Variants in CACNA1D observed in about 807,000 individuals in gnomAD.
The protein encoded by CACNA1D is calcium voltage-gated channel subunit alpha1 D, also known as voltage-dependent L-type calcium channel subunit alpha-1D.
Under a neutral mutation model 257.1 loss-of-function variants are expected in CACNA1D, and 55 were observed. The ratio of observed to expected loss-of-function variants is 0.21; its 90% CI spans 0.17 to 0.27. The LOEUF (loss-of-function observed/expected upper bound fraction) is 0.27. Among genes scored for constraint, CACNA1D ranks in the 10% least tolerant of loss-of-function variants. The pLI is 1.00. For synonymous variants in CACNA1D, 980 were observed against 1,014.9 expected, an observed-to-expected ratio of 0.97 and a Z score of 0.65; for missense variants, 1,876 against 2,784.0, an observed-to-expected ratio of 0.67 and a Z score of 7.34.
chr3:53,562,093 A>G (rs113118137), intron 3 of CACNA1D, among the ~76,000 whole-genome samples: 1 of 152,178 alleles, frequency 6.6e-6, no homozygotes, highest in South Asian at 2.1e-4. Context: ...CCTGGTCTCT[A>G]CCTTTAAGGA....
intron 3 of CACNA1D, among the ~76,000 whole-genome samples, chr3:53,534,060 A>G (rs968244630): frequency 6.6e-6 from 1 of 152,110 alleles, no homozygotes; most frequent in Non-Finnish European, 1.5e-5. Context: ...CAAGATGGGG[A>G]GCAGCATTCC....
At chr3:53,624,599 C>T (rs908210263) in intron 3 of CACNA1D, among the ~76,000 whole-genome samples, 1 of 152,178 alleles carries the variant, frequency 6.6e-6, no homozygotes, top group African/African-American at 2.4e-5. Flanking sequence ...CATTTACCTC[C>T]CATTATATGG....
At chr3:53,518,304 G>A (rs2091422159) in intron 3 of CACNA1D, among the ~76,000 whole-genome samples, 1 of 152,200 alleles carries the variant, frequency 6.6e-6, no homozygotes, top group Non-Finnish European at 1.5e-5. Flanking sequence ...TTGTGAGCAG[G>A]GACCCAGTGT....
chr3:53,796,007 C>T, intron 40 of CACNA1D: 1 of 197,160 alleles, frequency 5.1e-6, no homozygotes. Flanking sequence ...ACAAAGGCTG[C>T]CATCACATTA....
chr3:53,678,873 C>T (rs2108448660), intron 8 of CACNA1D: 1 of 152,210 alleles, frequency 6.6e-6, no homozygotes, highest in Non-Finnish European at 1.5e-5. Flanking sequence ...AGGCAAAACA[C>T]ACCAATAGAT....
In CACNA1D at chr3:53,655,753, C is replaced by A. The variant is rs573729367; in HGVS notation, c.624-4380C>A. ...TGTAGGTTGTCTTTTTACCCTGTTT[C>A]TTTTGTTGTGCAGAAGCTCTTAAGT... On this transcript the variant is annotated intron_variant, in intron 4 of 47. Transcript: ENST00000350061. Among the ~76,000 whole-genome samples, 44 of 152,046 alleles carry A rather than the reference C, an allele frequency of 2.9e-4. No individual in the cohort carries two copies. The East Asian group carries it at 6.4e-3, about 22-fold the overall frequency.
At position 53,803,493 on chromosome 3, in the gene CACNA1D, G is replaced by C. The variant is rs988267914; in HGVS notation, c.5506G>C (p.Asp1836His). 1.2e-6 allele frequency: 2 copies of C among 1,613,758 alleles called. No homozygotes were observed. The highest frequency in any genetic ancestry group is 2.7e-5 in the African/African-American group (2 of 74,936). The change falls in exon 44 of 48, where the codon GAC becomes CAC. Residue 1836 changes from aspartate (D) to histidine (H), a missense_variant. Physicochemically the swap from Asp to His is moderately conservative, Grantham distance 81 (BLOSUM62 -1). This residue lies in a region of CACNA1D where 491 missense variants were observed against 554.3 expected (regional missense o/e 0.89). Coordinates refer to ENST00000350061, the MANE Select transcript of CACNA1D (RefSeq NM_001128840.3). ...EDPEIHGYFR[D>H]PHCLGEQEYF... ...CCCAGAGATACATGGCTATTTCAGG[G>C]ACCCCCACTGCTTGGGGGAGCAGGA...
At chr3:53,610,162 A>T (rs1042097618) in intron 3 of CACNA1D, among the ~76,000 whole-genome samples, 1 of 152,124 alleles carries the variant, frequency 6.6e-6, no homozygotes, top group Non-Finnish European at 1.5e-5. Flanking sequence ...CATATTGTCT[A>T]TCTTGGTAGA....
At position 53,767,061 on chromosome 3, in the gene CACNA1D, T is replaced by G. The variant is rs1576604687; in HGVS notation, c.3871-2912T>G. Among the ~76,000 whole-genome samples, 4 of 152,208 alleles carry G rather than the reference T, an allele frequency of 2.6e-5. No individual in the cohort carries two copies. The South Asian group carries it at 8.3e-4, about 32-fold the overall frequency. On this transcript the variant is annotated intron_variant, in intron 30 of 47. Transcript: ENST00000350061. ...CGCTCTCTCTTCATCCGTGTACTGT[T>G]CCCTCGTCAACCCAGAAAGAACCCA...
rs1399080925 is a variant in CACNA1D, at chr3:53,801,225, G to A, written c.5208G>A (p.Val1736=). ...KPLFPPAGNS[V]CHNHHNHNSI... is the part of the protein sequence containing the mutation. ...TGTTTCCTCCAGCAGGAAATTCGGT[G>A]TGTCATAACCATCATAACCATAATT... The change falls in exon 42 of 48, where the codon GTG becomes GTA. Residue 1736 remains valine, a synonymous_variant. Transcript: ENST00000350061. 1.9e-6 allele frequency: 3 copies of A among 1,614,040 alleles called. No individual in the cohort carries two copies.
intron 3 of CACNA1D, among the ~76,000 whole-genome samples, chr3:53,609,769 T>C (rs985849560): frequency 2.0e-5 from 3 of 152,228 alleles, no homozygotes; most frequent in Non-Finnish European, 2.9e-5. Context: ...TTCATTTACT[T>C]TTGCGCTTGC....
At chr3:53,749,135 A>G (rs544591458) in intron 26 of CACNA1D, 133 bp from the exon 27 acceptor site, 48 of 722,444 alleles carry the variant, frequency 6.6e-5, no homozygotes, top group Admixed American at 4.4e-4. Flanking sequence ...GGTTGTGTCC[A>G]GCAGCCTTGG....
chr3:53,661,251 C>G (rs2094200967), intron 5 of CACNA1D, among the ~76,000 whole-genome samples: 1 of 152,134 alleles, frequency 6.6e-6, no homozygotes. Flanking sequence ...GAACACAGAT[C>G]ACATTTTTTG....
At chr3:53,589,730 C>A (rs2093275078) in intron 3 of CACNA1D, among the ~76,000 whole-genome samples, 1 of 152,198 alleles carries the variant, frequency 6.6e-6, no homozygotes, top group Admixed American at 6.5e-5. Flanking sequence ...CCTTCTCAAC[C>A]TCCCAAAGCA....
intron 8 of CACNA1D, among the ~76,000 whole-genome samples, chr3:53,675,484 A>G (rs2094366069): frequency 6.6e-6 from 1 of 152,212 alleles, no homozygotes; most frequent in Admixed American, 6.5e-5. Context: ...GGAAACCACT[A>G]ATTTTAACAG....
At chr3:53,601,622 C>T (rs1280743952) in intron 3 of CACNA1D, among the ~76,000 whole-genome samples, 2 of 152,194 alleles carry the variant, frequency 1.3e-5, no homozygotes, top group African/African-American at 4.8e-5. Flanking sequence ...ATGTAGAAAA[C>T]GTATGTAAAT....
At position 53,812,904 on chromosome 3, in the gene CACNA1D, A is replaced by G. The variant is rs2095606810; in HGVS notation, c.*1498A>G. 7.8e-6 allele frequency: 1 copy of G among 127,408 alleles called. No individual in the cohort carries two copies. Among genetic ancestry groups the G allele is most frequent in the Non-Finnish European group, 1.8e-5 (1 of 54,776 alleles). The allele number at this position is 127,408 out of a possible 1,614,324, so 7.9% of individuals were successfully genotyped here. On this transcript the variant is annotated 3_prime_UTR_variant, in exon 48 of 48. Transcript: ENST00000350061. ...TTCTCTTTGAGGGCTTTTATATGCAATTGAATGAGGGCTGAAGTTTTCATT... is the reference window on the plus strand; with the variant it reads ...TTCTCTTTGAGGGCTTTTATATGCAGTTGAATGAGGGCTGAAGTTTTCATT...
intron 4 of CACNA1D, among the ~76,000 whole-genome samples, chr3:53,657,687 AAAAAG>A (rs1164813388): frequency 1.3e-5 from 2 of 152,244 alleles, no homozygotes; most frequent in Non-Finnish European, 2.9e-5. Context: ...AAAGGTTTTA[AAAAAG>A]AAAAGGAAGA....
At chr3:53,655,087 C>T (rs998875583) in intron 4 of CACNA1D, among the ~76,000 whole-genome samples, 1 of 152,110 alleles carries the variant, frequency 6.6e-6, no homozygotes, top group Non-Finnish European at 1.5e-5. Context: ...TTTGTTCCTG[C>T]GTTAGTTTGC....
Sources: gnomAD v4.1 joint callset for allele counts (sites outside exome capture counted in the v4.1 genomes callset) on GRCh38, gnomAD v4.1.1 for gene constraint, gnomAD v4.1.1 regional missense constraint, MANE v1.5 for transcripts, NCBI Gene and HGNC (gene_info 2026-07-23, HGNC 2026-07-21) for gene names.